Variants in ANTXR1 observed in about 807,000 individuals in gnomAD.
ANTXR1 encodes anthrax toxin receptor 1.
ANTXR1 carries 19 observed loss-of-function variants against 78.1 expected under a neutral mutation model. The ratio of observed to expected loss-of-function variants is 0.24; its 90% CI spans 0.17 to 0.36. The LOEUF (loss-of-function observed/expected upper bound fraction) is 0.36, where lower values mean the gene tolerates loss of function less well. Ranked by LOEUF, ANTXR1 falls within the 10% of genes least tolerant of loss-of-function variation. The probability of loss-of-function intolerance (pLI) is 1.00; values close to 1 mark genes in which losing one functional copy is unlikely to be tolerated. For synonymous variants in ANTXR1, 273 were observed against 260.5 expected, an observed-to-expected ratio of 1.05 and a Z score of -0.46; for missense variants, 518 against 718.6, an observed-to-expected ratio of 0.72 and a Z score of 3.19.
intron 13 of ANTXR1, among the ~76,000 whole-genome samples, chr2:69,165,469 G>A (rs1218528418): frequency 6.6e-6 from 1 of 152,236 alleles, no homozygotes; most frequent in African/African-American, 2.4e-5. Context: ...TCAACAATGA[G>A]CCTGTCTATA....
rs1670915257 is a variant in ANTXR1, at chr2:69,013,210, C to A, written c.-290C>A. ...CTCCTTCCATTGCAAAAGCTCGGCG[C>A]GGCCTCGGGAGCTGCCCGGCGGCCC... is the stretch of plus-strand genomic sequence containing the variant. On this transcript the variant is annotated 5_prime_UTR_variant, in exon 1 of 18. Transcript: ENST00000303714. The surrounding 1 kb of genome is among the most constrained non-coding windows in gnomAD (Gnocchi z 5.0). The A allele has an allele frequency of 2.6e-6, 1 of 391,356 alleles. No individual in the cohort carries two copies. Among genetic ancestry groups the A allele is most frequent in the Non-Finnish European group, 4.9e-6 (1 of 203,834 alleles). 24.2% of individuals were successfully genotyped at this position (391,356 alleles called of 1,614,324 possible). A position where few individuals can be genotyped will look rare whatever the true frequency, so the allele number is the denominator to read the frequency against.
At chr2:69,090,038 C>T (rs750833876) in intron 8 of ANTXR1, among the ~76,000 whole-genome samples, 1 of 152,144 alleles carries the variant, frequency 6.6e-6, no homozygotes, top group Non-Finnish European at 1.5e-5. Context: ...TGACTCTCCA[C>T]TCAACCCTAT....
chr2:69,106,419 C>T lies in ANTXR1; in HGVS notation c.802+3479C>T, dbSNP rs371118395. Among the ~76,000 whole-genome samples the T allele has an allele frequency of 3.9e-5, 6 of 152,246 alleles. No individual in the cohort carries two copies. The East Asian group carries it at 9.7e-4, about 24-fold the overall frequency. On this transcript the variant is annotated intron_variant, in intron 10 of 17. Transcript: ENST00000303714. Reference sequence around the variant, plus strand: ...ATAGGAAACAAAATGGGAATAAAAACCTAAGTAAGAAACAAAGTCACAGGG... The same window carrying T: ...ATAGGAAACAAAATGGGAATAAAAATCTAAGTAAGAAACAAAGTCACAGGG...
intron 12 of ANTXR1, among the ~76,000 whole-genome samples, chr2:69,128,388 T>G (rs765458005): frequency 1.3e-5 from 2 of 152,238 alleles, no homozygotes; most frequent in Non-Finnish European, 2.9e-5. Flanking sequence ...TCAGTAATTA[T>G]TAGCTGTTTT....
rs139028050 is a variant in ANTXR1 at position 69,225,112 on chromosome 2, A to G, written c.1435-20113A>G. On this transcript the variant is annotated intron_variant, in intron 17 of 17. Coordinates refer to ENST00000303714, the MANE Select transcript of ANTXR1 (RefSeq NM_032208.3). ...CCTCCCCCCATTCCCTCAAAATTTG[A>G]CATTCCTATGTCCCTTTATCCCGAT... Among the ~76,000 whole-genome samples the G allele has an allele frequency of 4.2e-3, 642 of 152,132 alleles. 2 individuals carry two copies. Among genetic ancestry groups the G allele is most frequent in the Non-Finnish European group, 5.9e-3 (403 of 68,006 alleles).
chr2:69,123,206 A>T lies in ANTXR1; in HGVS notation c.872+120A>T, dbSNP rs528117466. The T allele has an allele frequency of 2.2e-4, 234 of 1,047,190 alleles. 1 individual carries two copies. In the African/African-American group the frequency reaches 3.4e-3, roughly 15 times the overall value. 64.9% of individuals were successfully genotyped at this position (1,047,190 alleles called of 1,614,324 possible). On this transcript the variant is annotated intron_variant, in intron 11 of 17. Coordinates refer to ENST00000303714, the MANE Select transcript of ANTXR1 (RefSeq NM_032208.3). ...GCCTTTCTCTAGGTTCCTCCAGCTT[A>T]TGACGGAGCCAGTGTTTACAGTGAC... is the stretch of plus-strand genomic sequence containing the variant.
rs1247831882 is a variant in ANTXR1 at position 69,118,992 on chromosome 2, C to T, written c.803-4025C>T. Among the ~76,000 whole-genome samples, 5 of 152,234 alleles carry T rather than the reference C, an allele frequency of 3.3e-5. No homozygotes were observed. In the South Asian group the frequency reaches 1.0e-3, roughly 32 times the overall value. The stretch of plus-strand genomic sequence containing the variant: ...TACACTCGGATGGAGGAAGGTCTTC[C>T]ACAGCCTCAGCGAAGCCTTTGCAGG... On this transcript the variant is annotated intron_variant, in intron 10 of 17. Transcript: ENST00000303714.
At chr2:69,173,454 A>G (rs1460109034) in intron 14 of ANTXR1, among the ~76,000 whole-genome samples, 1 of 152,158 alleles carries the variant, frequency 6.6e-6, no homozygotes, top group East Asian at 1.9e-4. Context: ...CAGCCAACCA[A>G]CAGACTGGTG....
intron 13 of ANTXR1, among the ~76,000 whole-genome samples, chr2:69,153,034 C>A (rs1395226380): frequency 6.6e-6 from 1 of 152,078 alleles, no homozygotes; most frequent in Admixed American, 6.5e-5. Context: ...GAAAAAAAAA[C>A]ATTCCCTGTG....
At chr2:69,134,244 G>T (rs1672846128) in intron 12 of ANTXR1, among the ~76,000 whole-genome samples, 1 of 152,204 alleles carries the variant, frequency 6.6e-6, no homozygotes, top group Admixed American at 6.5e-5. Context: ...GGTATGTTAT[G>T]TAGAATATAG....
chr2:69,119,216 C>T (rs1299917042), intron 10 of ANTXR1, among the ~76,000 whole-genome samples: 1 of 152,102 alleles, frequency 6.6e-6, no homozygotes, highest in African/African-American at 2.4e-5. Context: ...AGGCGCTAAC[C>T]CAGGAGCAGG....
chr2:69,040,319 G>A (rs1669576875), intron 2 of ANTXR1, among the ~76,000 whole-genome samples: 1 of 152,130 alleles, frequency 6.6e-6, no homozygotes, highest in Non-Finnish European at 1.5e-5. Context: ...TTTTTGGGAG[G>A]AGCCAAATCT....
intron 1 of ANTXR1, among the ~76,000 whole-genome samples, chr2:69,029,293 T>C (rs1671453545): frequency 6.7e-6 from 1 of 148,934 alleles, no homozygotes; most frequent in Non-Finnish European, 1.5e-5. Context: ...ATATCTAATA[T>C]CTAATATATA....
intron 12 of ANTXR1, chr2:69,145,412 T>G (rs1017930661): frequency 1.3e-6 from 2 of 1,574,094 alleles, no homozygotes; most frequent in Non-Finnish European, 1.7e-6. Flanking sequence ...GACAGCACAC[T>G]CCTGAAAACG....
At chr2:69,057,459 A>T (rs56881488) in intron 3 of ANTXR1, among the ~76,000 whole-genome samples, 13,045 of 152,160 alleles carry the variant, frequency 0.086, 1,150 homozygotes, top group East Asian at 0.24. Context: ...CATTATTATT[A>T]TTATATCTGT....
intron 17 of ANTXR1, among the ~76,000 whole-genome samples, chr2:69,204,576 G>A (rs566950509): frequency 6.6e-6 from 1 of 152,236 alleles, no homozygotes; most frequent in African/African-American, 2.4e-5. Context: ...TAAGATCTCT[G>A]CTCTTTTCAA....
At chr2:69,193,555 A>C in intron 17 of ANTXR1, 140 bp downstream of exon 17, 1 of 748,436 alleles carries the variant, frequency 1.3e-6, no homozygotes, top group Non-Finnish European at 2.3e-6. Context: ...ACAGAGCTAG[A>C]ATAACTCCAG....
intron 12 of ANTXR1, chr2:69,146,310 C>A (rs376095892): frequency 1.1e-5 from 11 of 985,310 alleles, no homozygotes; most frequent in Middle Eastern, 1.0e-3. Flanking sequence ...GAACTCCCCC[C>A]ACCACTTGCT....
intron 9 of ANTXR1, among the ~76,000 whole-genome samples, chr2:69,096,766 C>A (rs936243915): frequency 2.0e-5 from 3 of 152,120 alleles, no homozygotes; most frequent in Admixed American, 6.5e-5. Flanking sequence ...AACACTGAAC[C>A]TGTATTTATT....
Sources: allele counts gnomAD v4.1 joint callset (sites outside exome capture counted in the v4.1 genomes callset), GRCh38; gene constraint gnomAD v4.1.1; non-coding constraint Gnocchi (gnomAD v3.1); transcripts MANE v1.5; gene names NCBI Gene and HGNC (gene_info 2026-07-23, HGNC 2026-07-21).